ROR2: variants seen among roughly 807,000 people sequenced by gnomAD.
ROR2 encodes the protein ROR family WNT receptor 2.
A neutral mutation model predicts 74.9 loss-of-function variants in ROR2; 33 were observed. The ratio of observed to expected loss-of-function variants is 0.44; its 90% CI spans 0.33 to 0.59. The LOEUF is 0.59. Ranked by LOEUF, ROR2 falls within the 20% of genes least tolerant of loss-of-function variation. The pLI, the probability that ROR2 is intolerant of heterozygous loss-of-function variation, is 0.02. For missense variants in ROR2, 1,216 were observed against 1,313.8 expected (o/e 0.93, Z 1.15); for synonymous variants, 586 against 558.7 (o/e 1.05, Z -0.69).
intron 1 of ROR2, among the ~76,000 whole-genome samples, chr9:91,847,753 C>T (rs1005692514): frequency 6.6e-6 from 1 of 152,098 alleles, no homozygotes; most frequent in African/African-American, 2.4e-5. Context: ...AGATGCTGGT[C>T]GCAGGAAGAC....
chr9:91,844,530 G>A (rs929900093), intron 1 of ROR2, among the ~76,000 whole-genome samples: 1 of 152,216 alleles, frequency 6.6e-6, no homozygotes, highest in African/African-American at 2.4e-5. Context: ...TGAATTTTGG[G>A]AAGGACGCAA....
At chr9:91,911,680 G>A (rs1360249584) in intron 1 of ROR2, among the ~76,000 whole-genome samples, 1 of 152,072 alleles carries the variant, frequency 6.6e-6, no homozygotes, top group Non-Finnish European at 1.5e-5. Flanking sequence ...TACAGATGGA[G>A]GCTAGAATTA....
At chr9:91,844,923 GC>G (rs1828881107) in intron 1 of ROR2, among the ~76,000 whole-genome samples, 1 of 152,168 alleles carries the variant, frequency 6.6e-6, no homozygotes, top group Non-Finnish European at 1.5e-5. Flanking sequence ...TGTCATTCCT[GC>G]ATTTTCTACA....
At chr9:91,809,546 T>C (rs1212493597) in intron 1 of ROR2, among the ~76,000 whole-genome samples, 1 of 152,192 alleles carries the variant, frequency 6.6e-6, no homozygotes, top group Non-Finnish European at 1.5e-5. Flanking sequence ...CACAGAGAGC[T>C]GGGGGTGCAG....
chr9:91,906,217 G>C (rs1191770683), intron 1 of ROR2, among the ~76,000 whole-genome samples: 1 of 152,180 alleles, frequency 6.6e-6, no homozygotes, highest in Non-Finnish European at 1.5e-5. Context: ...CAGCCATGCA[G>C]GTCACCCAGA....
At chr9:91,820,563 C>T (rs1828106262) in intron 1 of ROR2, among the ~76,000 whole-genome samples, 1 of 151,444 alleles carries the variant, frequency 6.6e-6, no homozygotes, top group East Asian at 1.9e-4. Flanking sequence ...TACGCTGGCT[C>T]CCTCCCTCCC....
At chr9:91,780,494 A>C (rs1024838326) in intron 1 of ROR2, among the ~76,000 whole-genome samples, 1 of 152,220 alleles carries the variant, frequency 6.6e-6, no homozygotes, top group Non-Finnish European at 1.5e-5. Context: ...CATCAACAAG[A>C]TAAGATTAAT....
In ROR2 at chr9:91,901,340, T is replaced by C. The variant is rs1689041436; in HGVS notation, c.97+48527A>G. Among the ~76,000 whole-genome samples, 4 of 152,300 alleles carry C rather than the reference T, an allele frequency of 2.6e-5. No homozygotes were observed. In the South Asian group the frequency reaches 8.3e-4, roughly 32 times the overall value. On this transcript the variant is annotated intron_variant, in intron 1 of 8. Transcript: ENST00000375708. ...TGGGATATCATGAAACACCAATAAC[T>C]AGGAGGTAGTGATAGTTTACTAGTT...
At chr9:91,949,277 C>G (rs1033397275) in intron 1 of ROR2, among the ~76,000 whole-genome samples, 1 of 151,950 alleles carries the variant, frequency 6.6e-6, no homozygotes, top group African/African-American at 2.4e-5. Flanking sequence ...TGCCAAAGAG[C>G]CCGTTTCCAT....
In ROR2 at chr9:91,726,499, C is replaced by T; in HGVS notation, c.1386+42G>A. ...GGGGAAACAACCCCTGAGGATTAAA[C>T]CTGGAAGAGCCACCCGGGTAGAAAA... On this transcript the variant is annotated intron_variant, in intron 8 of 8. Coordinates refer to ENST00000375708, the MANE Select transcript of ROR2 (RefSeq NM_004560.4). 4 of 1,580,890 alleles carry T rather than the reference C, an allele frequency of 2.5e-6. No homozygotes were observed. The South Asian group carries it at 3.3e-5, about 13-fold the overall frequency.
At chr9:91,828,498 G>A (rs891076194) in intron 1 of ROR2, among the ~76,000 whole-genome samples, 8 of 152,106 alleles carry the variant, frequency 5.3e-5, no homozygotes, top group South Asian at 2.1e-4. Flanking sequence ...TGGATTACTC[G>A]AGTTCAGGAG....
rs78781083 is a variant in ROR2, at chr9:91,756,094, C to T, written c.471G>A (p.Thr157=). The T allele has an allele frequency of 1.4e-3, 2,233 of 1,613,806 alleles. 22 individuals are homozygous for T. In the African/African-American group the frequency reaches 0.026, roughly 19 times the overall value. ...TGVLFVRLGP[T]HSPNHNFQDD... ...ACTGAAAGTTATGATTTGGGCTGTG[C>T]GTTGGACCTAAAAAGAGGAAACAAA... is the stretch of plus-strand genomic sequence containing the variant. The change falls in exon 4 of 9, where the codon ACG becomes ACA. Residue 157 remains threonine (T), a synonymous_variant. Coordinates refer to ENST00000375708, the MANE Select transcript of ROR2 (RefSeq NM_004560.4).
chr9:91,902,925 T>A (rs1055544256), intron 1 of ROR2, among the ~76,000 whole-genome samples: 2 of 151,604 alleles, frequency 1.3e-5, no homozygotes, highest in African/African-American at 4.9e-5. Context: ...AAACAGAAGG[T>A]AGAATCGGTG....
At chr9:91,846,482 G>C (rs1335502197) in intron 1 of ROR2, among the ~76,000 whole-genome samples, 1 of 152,102 alleles carries the variant, frequency 6.6e-6, no homozygotes, top group African/African-American at 2.4e-5. Flanking sequence ...TGGACCTCCA[G>C]CCTCCAAACT....
At chr9:91,825,472 T>G (rs1828258501) in intron 1 of ROR2, among the ~76,000 whole-genome samples, 1 of 152,190 alleles carries the variant, frequency 6.6e-6, no homozygotes. Flanking sequence ...CCTGAGATCT[T>G]GCACTTGGAA....
intron 1 of ROR2, among the ~76,000 whole-genome samples, chr9:91,850,820 T>C (rs1348117460): frequency 6.6e-6 from 1 of 152,266 alleles, no homozygotes; most frequent in South Asian, 2.1e-4. Context: ...ATAGGGCTTC[T>C]ATTAAGATTT....
At chr9:91,875,891 G>T (rs545283658) in intron 1 of ROR2, among the ~76,000 whole-genome samples, 2 of 152,200 alleles carry the variant, frequency 1.3e-5, no homozygotes, top group South Asian at 2.1e-4. Flanking sequence ...GAAACACCAG[G>T]TTCATCAGAA....
At chr9:91,930,523 G>A (rs1256994085) in intron 1 of ROR2, among the ~76,000 whole-genome samples, 1 of 152,200 alleles carries the variant, frequency 6.6e-6, no homozygotes. Context: ...AACACAAGCA[G>A]CACTCTTCTG....
intron 1 of ROR2, 122 bp downstream of exon 1, chr9:91,949,745 G>A: frequency 1.4e-6 from 1 of 707,736 alleles, no homozygotes; most frequent in Non-Finnish European, 2.5e-6. Flanking sequence ...GGCCCTGCCT[G>A]GCGCCCCTCG....
Sources: gnomAD v4.1 joint callset for allele counts (sites outside exome capture counted in the v4.1 genomes callset) on GRCh38, gnomAD v4.1.1 for gene constraint, MANE v1.5 for transcripts, NCBI Gene and HGNC (gene_info 2026-07-23, HGNC 2026-07-21) for gene names.